Variants in ZNF827 observed in about 807,000 individuals in gnomAD.
ZNF827 encodes zinc finger protein 827.
ZNF827 carries 13 observed loss-of-function variants against 102.4 expected under a neutral mutation model. The ratio of observed to expected loss-of-function variants is 0.13; its 90% CI spans 0.08 to 0.20. ZNF827 has a LOEUF of 0.20. Ranked by LOEUF, ZNF827 falls within the 10% of genes least tolerant of loss-of-function variation. The pLI, the probability that ZNF827 is intolerant of heterozygous loss-of-function variation, is 1.00. For missense variants in ZNF827, 1,103 were observed against 1,344.4 expected (o/e 0.82, Z 2.81); for synonymous variants, 523 against 536.2 (o/e 0.98, Z 0.34).
chr4:145,914,062 G>GAGAC (rs1752490005), intron 1 of ZNF827, among the ~76,000 whole-genome samples: 1 of 148,110 alleles, frequency 6.8e-6, no homozygotes, highest in African/African-American at 2.5e-5. Flanking sequence ...TTTCTTTGTA[G>GAGAC]ACACACACAC....
chr4:145,845,900 T>G (rs1745881832), intron 7 of ZNF827, 56 bp downstream of exon 7: 1 of 1,575,950 alleles, frequency 6.3e-7, no homozygotes. Flanking sequence ...CAACATGTAG[T>G]ACGGGCTGGT....
intron 1 of ZNF827, among the ~76,000 whole-genome samples, chr4:145,926,488 G>C (rs1351243513): frequency 6.6e-6 from 1 of 152,182 alleles, no homozygotes; most frequent in African/African-American, 2.4e-5. Flanking sequence ...CAGTTTGTAA[G>C]AGTGATGTTG....
chr4:145,890,615 G>A (rs1750518162), intron 3 of ZNF827, among the ~76,000 whole-genome samples: 1 of 152,172 alleles, frequency 6.6e-6, no homozygotes, highest in African/African-American at 2.4e-5. Context: ...AAATTTGCCA[G>A]ACCTGATTTC....
intron 8 of ZNF827, among the ~76,000 whole-genome samples, chr4:145,784,240 A>G (rs1018233786): frequency 5.3e-5 from 8 of 152,222 alleles, no homozygotes; most frequent in African/African-American, 1.7e-4. Context: ...GGAACTGAGT[A>G]ATACAGTCCT....
At chr4:145,836,732 A>G (rs1409875036) in intron 7 of ZNF827, among the ~76,000 whole-genome samples, 1 of 151,926 alleles carries the variant, frequency 6.6e-6, no homozygotes, top group Non-Finnish European at 1.5e-5. Context: ...TGATTTATTG[A>G]TGGCGGTTCC....
chr4:145,902,113 G>C lies in ZNF827; in HGVS notation c.1093+53C>G. The C allele has an allele frequency of 6.6e-7, 1 of 1,520,758 alleles. No homozygotes were observed. The highest frequency in any genetic ancestry group is 8.8e-7 in the Non-Finnish European group (1 of 1,136,552). The allele number at this position is 1,520,758 out of a possible 1,614,324, so 94.2% of individuals were successfully genotyped here. A position where few individuals can be genotyped will look rare whatever the true frequency, so the allele number is the denominator to read the frequency against. Reference sequence around the variant, plus strand: ...TGAAAAAAGCAATGAATAAGACATCGCAGTTTATAGTCTAAAGGACTTACA... The same window carrying C: ...TGAAAAAAGCAATGAATAAGACATCCCAGTTTATAGTCTAAAGGACTTACA... On this transcript the variant is annotated intron_variant, in intron 2 of 14. Coordinates refer to ENST00000508784, the MANE Select transcript of ZNF827 (RefSeq NM_001306215.2). The surrounding 1 kb of genome is among the most constrained non-coding windows in gnomAD (Gnocchi z 4.3).
intron 1 of ZNF827, among the ~76,000 whole-genome samples, chr4:145,910,677 C>T (rs977231405): frequency 6.6e-6 from 1 of 152,210 alleles, no homozygotes; most frequent in East Asian, 1.9e-4. Flanking sequence ...AGTTCTCAAA[C>T]TTCCACAATG....
chr4:145,851,619 A>G (rs1330792748), intron 5 of ZNF827, among the ~76,000 whole-genome samples: 1 of 152,146 alleles, frequency 6.6e-6, no homozygotes, highest in Admixed American at 6.5e-5. Context: ...CTGACATATT[A>G]CACATGCTTC....
intron 1 of ZNF827, among the ~76,000 whole-genome samples, chr4:145,910,312 T>C (rs777493037): frequency 1.3e-5 from 2 of 152,182 alleles, no homozygotes; most frequent in Non-Finnish European, 2.9e-5. Context: ...ATTCTTCATA[T>C]AAAGTGCTTA....
intron 7 of ZNF827, among the ~76,000 whole-genome samples, chr4:145,825,059 A>G (rs1743534172): frequency 2.0e-5 from 3 of 152,220 alleles, no homozygotes; most frequent in Non-Finnish European, 2.9e-5. Context: ...ATTGGGGAGA[A>G]GCGAAGGGGC....
intron 5 of ZNF827, among the ~76,000 whole-genome samples, chr4:145,860,747 G>T (rs188736388): frequency 4.9e-4 from 75 of 152,284 alleles, no homozygotes; most frequent in African/African-American, 1.8e-3. Context: ...GTAAAGAAAA[G>T]AATTATTAGA....
rs1227561910 is a variant in ZNF827, at chr4:145,938,660, G to T, written c.-253C>A. 1 of 521,278 alleles carries T rather than the reference G, an allele frequency of 1.9e-6. No individual in the cohort carries two copies. The highest frequency in any genetic ancestry group is 3.4e-6 in the Non-Finnish European group (1 of 292,330). The allele number at this position is 521,278 out of a possible 1,614,324, so 32.3% of individuals were successfully genotyped here. A position where few individuals can be genotyped will look rare whatever the true frequency, so the allele number is the denominator to read the frequency against. ...TTTTAAATTTTTGGTCGTGCACCTG[G>T]CTTGTCCCCGAGCGTAATATTCTTC... On this transcript the variant is annotated 5_prime_UTR_variant, in exon 1 of 15. Transcript: ENST00000508784.
chr4:145,905,948 T>A (rs1448622125), intron 1 of ZNF827, among the ~76,000 whole-genome samples: 1 of 152,184 alleles, frequency 6.6e-6, no homozygotes, highest in Non-Finnish European at 1.5e-5. Context: ...CCAGAGGAGC[T>A]CAAGATAGTC....
chr4:145,862,519 G>C (rs1306416756), intron 5 of ZNF827, among the ~76,000 whole-genome samples: 1 of 152,050 alleles, frequency 6.6e-6, no homozygotes, highest in East Asian at 1.9e-4. Flanking sequence ...CCCCAGCCAT[G>C]GGATATATAT....
chr4:145,841,422 C>G (rs1477686056), intron 7 of ZNF827, among the ~76,000 whole-genome samples: 1 of 152,208 alleles, frequency 6.6e-6, no homozygotes, highest in African/African-American at 2.4e-5. Flanking sequence ...AGCTAGTTAT[C>G]TGCTCCCTGT....
intron 3 of ZNF827, among the ~76,000 whole-genome samples, chr4:145,886,497 A>C (rs1750130146): frequency 6.6e-6 from 1 of 152,130 alleles, no homozygotes; most frequent in Admixed American, 6.5e-5. Flanking sequence ...CAAACTTACA[A>C]AATTACTAGT....
At chr4:145,831,023 C>G (rs987388932) in intron 7 of ZNF827, 1 of 152,194 alleles carries the variant, frequency 6.6e-6, no homozygotes, top group Admixed American at 6.5e-5. Context: ...AAAAGGTAAT[C>G]TATAATGAAA....
Position 145,764,997 on chromosome 4 carries a change from C to T in ZNF827, c.3221G>A (p.Gly1074Asp). 6.2e-7 allele frequency: 1 copy of T among 1,612,692 alleles called. No homozygotes were observed. Among genetic ancestry groups the T allele is most frequent in the Non-Finnish European group, 8.5e-7 (1 of 1,179,324 alleles). Reference protein sequence around the residue: ...EHKKCHTVPTGGLNSGQW With the variant: ...EHKKCHTVPTDGLNSGQW ...TACTTGCTTTCCTTACTTGAGCCCA[C>T]CGGTGGGGACAGTGTGGCATTTCTT... The change falls in exon 13 of 15, where the codon GGT becomes GAT. Residue 1074 changes from glycine (G) to aspartate (D), a missense_variant. This residue lies in a region of ZNF827 where 242 missense variants were observed against 361.9 expected (regional missense o/e 0.67). Coordinates refer to ENST00000508784, the MANE Select transcript of ZNF827 (RefSeq NM_001306215.2).
At chr4:145,875,304 C>T (rs1749063790) in intron 4 of ZNF827, among the ~76,000 whole-genome samples, 1 of 152,084 alleles carries the variant, frequency 6.6e-6, no homozygotes, top group South Asian at 2.1e-4. Flanking sequence ...AACTAAGGTC[C>T]TAAAAAGGTT....
Sources: allele counts gnomAD v4.1 joint callset (sites outside exome capture counted in the v4.1 genomes callset), GRCh38; gene constraint gnomAD v4.1.1; regional missense constraint gnomAD v4.1.1; non-coding constraint Gnocchi (gnomAD v3.1); transcripts MANE v1.5; gene names NCBI Gene and HGNC (gene_info 2026-07-23, HGNC 2026-07-21).